HK1: variants seen among roughly 807,000 people sequenced by gnomAD.
HK1 encodes hexokinase 1.
A neutral mutation model predicts 91.6 loss-of-function variants in HK1; 28 were observed. The observed-to-expected ratio is 0.31, with a 90% CI of 0.23 to 0.42. The LOEUF is 0.42. Ranked by LOEUF, HK1 falls within the 10% of genes least tolerant of loss-of-function variation. The probability of loss-of-function intolerance (pLI) is 1.00; values close to 1 mark genes in which losing one functional copy is unlikely to be tolerated. For missense variants in HK1, 770 were observed against 1,219.8 expected (o/e 0.63, Z 5.49); for synonymous variants, 430 against 468.1 (o/e 0.92, Z 1.05).
Position 69,398,739 on chromosome 10 carries a change from G to A in HK1, c.2520G>A (p.Ala840=), listed in dbSNP as rs1362536665. The A allele has an allele frequency of 3.1e-6, 5 of 1,614,118 alleles. No homozygotes were observed. The highest frequency in any genetic ancestry group is 1.7e-5 in the Admixed American group (1 of 60,014). ...AAQLCGAGMA[A]VVDKIRENRG... ...AGCTGTGTGGCGCAGGCATGGCTGC[G>A]GTTGTGGATAAGATCCGCGAGAACA... Residue 840 remains alanine (A), a synonymous_variant, in exon 17 of 18, where the codon GCG becomes GCA. Transcript: ENST00000359426.
chr10:69,365,596 G>A (rs1849659457), intron 4 of HK1, among the ~76,000 whole-genome samples: 1 of 152,080 alleles, frequency 6.6e-6, no homozygotes, highest in East Asian at 1.9e-4. Flanking sequence ...TGAATTCTGG[G>A]GTTGGGTGCA....
Position 69,364,891 on chromosome 10 carries a change from A to C in HK1, c.484A>C (p.Lys162Gln). 6.2e-7 allele frequency: 1 copy of C among 1,614,144 alleles called. No individual in the cohort carries two copies. ...FTFSFPCQQSKIDEAILITWT... is the reference protein window; with the variant it reads ...FTFSFPCQQSQIDEAILITWT... ...GTTTTCTTTTCCTTGCCAACAATCC[A>C]AAATAGATGAGGTAAGGATGTTCTG... Residue 162 changes from lysine to glutamine, a missense_variant, in exon 4 of 18, where the codon AAA becomes CAA. Lys to Gln is a moderately conservative substitution (Grantham distance 53). This residue lies in a region of HK1 where 449 missense variants were observed against 665.1 expected (regional missense o/e 0.68). Coordinates refer to ENST00000359426, the MANE Select transcript of HK1 (RefSeq NM_000188.3).
At chr10:69,377,154 T>C in intron 8 of HK1, 65 bp downstream of exon 8, 1 of 1,588,060 alleles carries the variant, frequency 6.3e-7, no homozygotes, top group South Asian at 1.1e-5. Flanking sequence ...TGGTCCCTTG[T>C]TACTTCTTGA....
At chr10:69,386,273 C>A in intron 12 of HK1, 50 bp from the exon 13 acceptor site, 1 of 1,468,934 alleles carries the variant, frequency 6.8e-7, no homozygotes, top group Non-Finnish European at 9.5e-7. Context: ...TTGTGTTCTC[C>A]CCTTCCAGGT....
At position 69,389,313 on chromosome 10, in the gene HK1, G is replaced by A; in HGVS notation, c.2035+17G>A. 1.3e-6 allele frequency: 2 copies of A among 1,579,592 alleles called. No individual in the cohort carries two copies. The highest frequency in any genetic ancestry group is 1.7e-6 in the Non-Finnish European group (2 of 1,155,840). ...TCATTGTTGGTGAGTGTCCTGGAAG[G>A]TCTCTTTCCCTGCAGAAGGGAAGGC... On this transcript the variant is annotated intron_variant, in intron 14 of 17. Transcript: ENST00000359426.
chr10:69,339,081 C>T (rs75604065), intron 1 of HK1, among the ~76,000 whole-genome samples: 9 of 152,154 alleles, frequency 5.9e-5, no homozygotes, highest in African/African-American at 1.9e-4. Flanking sequence ...CTGGTCTGAA[C>T]GAGGAAGATG....
Position 69,318,907 on chromosome 10 carries a change from A to G in HK1, c.-41A>G, listed in dbSNP as rs1486583875. ...GGCTCGCCAGGGCTGCGGAGGACCG[A>G]CCGTCCCCACGCCTGCCGCCCCGCG... On this transcript the variant is annotated 5_prime_UTR_variant, in exon 1 of 18. Coordinates refer to ENST00000359426, the MANE Select transcript of HK1 (RefSeq NM_000188.3). 1.9e-6 allele frequency: 3 copies of G among 1,554,394 alleles called. No homozygotes were observed. In the Admixed American group the frequency reaches 5.7e-5, roughly 30 times the overall value.
At chr10:69,283,798 C>CAAAAAAAAAA (rs571297748) in intron 2 of HK1, among the ~76,000 whole-genome samples, 1 of 67,588 alleles carries the variant, frequency 1.5e-5, no homozygotes, top group African/African-American at 6.6e-5. Flanking sequence ...GACTCTGTCT[C>CAAAAAAAAAA]AAAAAAAAAA....
At chr10:69,282,984 G>C (rs572069961) in intron 2 of HK1, among the ~76,000 whole-genome samples, 7 of 151,628 alleles carry the variant, frequency 4.6e-5, no homozygotes, top group South Asian at 4.2e-4. Context: ...AAATTAGCTG[G>C]GTATGGTGGC....
chr10:69,295,575 T>C (rs1845523903), intron 3 of HK1: 1 of 1,111,548 alleles, frequency 9.0e-7, no homozygotes, highest in Non-Finnish European at 1.4e-6. Flanking sequence ...CAATATGTTG[T>C]GAATGCAAGT....
In HK1 at chr10:69,387,341, T is replaced by G. The variant is rs199514396; in HGVS notation, c.1935+923T>G. Among the ~76,000 whole-genome samples the G allele has an allele frequency of 9.9e-5, 15 of 152,262 alleles. No individual in the cohort carries two copies. In the East Asian group the frequency reaches 2.9e-3, roughly 29 times the overall value. On this transcript the variant is annotated intron_variant, in intron 13 of 17. Transcript: ENST00000359426. Reference sequence around the variant, plus strand: ...TCTTACTCTGTCACCCAGGCTGGAGTGCAGTGGAGCAATCTTGGCTCACTG... The same window carrying G: ...TCTTACTCTGTCACCCAGGCTGGAGGGCAGTGGAGCAATCTTGGCTCACTG...
At position 69,401,193 on chromosome 10, in the gene HK1, C is replaced by G. The variant is rs182986436; in HGVS notation, c.*58C>G. ...GCACTTCTCTCTTCAAGCGGCGACC[C>G]CCTACCCTCCCAGCGAGTTGCGCTG... On this transcript the variant is annotated 3_prime_UTR_variant, in exon 18 of 18. Transcript: ENST00000359426. 3.8e-4 allele frequency: 595 copies of G among 1,567,884 alleles called. 2 individuals carry two copies. The East Asian group carries it at 8.1e-3, about 21-fold the overall frequency.
At chr10:69,281,413 GTCCTCTTCC>G (rs1335163240) in intron 1 of HK1, among the ~76,000 whole-genome samples, 1 of 152,192 alleles carries the variant, frequency 6.6e-6, no homozygotes, top group African/African-American at 2.4e-5. Flanking sequence ...AGGGTGTGCT[GTCCTCTTCC>G]TCCTCTTTCT....
intron 1 of HK1, among the ~76,000 whole-genome samples, chr10:69,325,044 A>ATTTTTTTTTTT (rs1046990181): frequency 1.1e-5 from 1 of 93,904 alleles, no homozygotes; most frequent in Non-Finnish European, 2.0e-5. Flanking sequence ...AAAAATGTGT[A>ATTTTTTTTTTT]TTTTTTTTTT....
Position 69,283,124 on chromosome 10 carries a change from CAAAAAAAAA to C in HK1, c.-215+434_-215+442del, listed in dbSNP as rs34547808. 2.0e-4 allele frequency among the ~76,000 whole-genome samples: 12 copies of C among 60,832 alleles called. No homozygotes were observed. In the South Asian group the frequency reaches 3.6e-3, roughly 18 times the overall value. The allele number at this position is 60,832 out of a possible 152,430, so 39.9% of individuals were successfully genotyped here. A position where few individuals can be genotyped will look rare whatever the true frequency, so the allele number is the denominator to read the frequency against. On this transcript the variant is annotated intron_variant, in intron 2 of 21. Coordinates refer to the HK1 transcript ENST00000360289. ...GGGTGACAAGAGCGAAACTCAGTTT[CAAAAAAAAA>C]AAAAAAAAAAAAATGAATGAAGGTA... is the stretch of plus-strand genomic sequence containing the variant.
At chr10:69,344,297 A>G (rs935904527) in intron 2 of HK1, among the ~76,000 whole-genome samples, 1 of 152,198 alleles carries the variant, frequency 6.6e-6, no homozygotes, top group Non-Finnish European at 1.5e-5. Flanking sequence ...TACTTTAGAA[A>G]GTGTAGTGTT....
intron 2 of HK1, chr10:69,288,656 T>C: frequency 8.3e-7 from 1 of 1,210,126 alleles, no homozygotes; most frequent in Admixed American, 1.7e-5. Flanking sequence ...TTCTTTGAAC[T>C]TGGCCTTTCT....
At chr10:69,340,806 T>G (rs1271149925) in intron 1 of HK1, among the ~76,000 whole-genome samples, 1 of 152,212 alleles carries the variant, frequency 6.6e-6, no homozygotes, top group Non-Finnish European at 1.5e-5. Flanking sequence ...CTCGCTGTGC[T>G]GTGGGATCCC....
upstream of HK1, chr10:69,316,136 G>T: frequency 1.2e-6 from 1 of 845,252 alleles, no homozygotes; most frequent in East Asian, 2.4e-5. Context: ...GCGAACAAAT[G>T]GAGTGGACAT....
Sources: gnomAD v4.1 joint callset for allele counts (sites outside exome capture counted in the v4.1 genomes callset) on GRCh38, gnomAD v4.1.1 for gene constraint, gnomAD v4.1.1 regional missense constraint, MANE v1.5 for transcripts, NCBI Gene and HGNC (gene_info 2026-07-23, HGNC 2026-07-21) for gene names.